The following CNTN3 variants were observed in gnomAD, a reference collection of about 807,000 sequenced individuals.
The protein encoded by CNTN3 is contactin 3.
CNTN3 carries 60 observed loss-of-function variants against 119.1 expected under a neutral mutation model. The ratio of observed to expected loss-of-function variants is 0.50; its 90% CI spans 0.41 to 0.62. The LOEUF (loss-of-function observed/expected upper bound fraction) is 0.62. CNTN3 is among the 20% of genes least tolerant of loss of function. The pLI is 0.00. For synonymous variants in CNTN3, 450 were observed against 438.7 expected, an observed-to-expected ratio of 1.03 and a Z score of -0.32; for missense variants, 1,101 against 1,242.4, an observed-to-expected ratio of 0.89 and a Z score of 1.71.
At chr3:74,587,879 C>T (rs2106679921) in intron 1 of CNTN3, among the ~76,000 whole-genome samples, 1 of 152,304 alleles carries the variant, frequency 6.6e-6, no homozygotes, top group Admixed American at 6.5e-5. Context: ...TGCCAGTTTT[C>T]AAAGGGAATG....
intron 19 of CNTN3, among the ~76,000 whole-genome samples, chr3:74,287,477 T>A (rs1702137228): frequency 6.6e-6 from 1 of 152,188 alleles, no homozygotes; most frequent in African/African-American, 2.4e-5. Flanking sequence ...AAATACTCTT[T>A]TAATAGACAA....
At chr3:74,571,720 G>C (rs562084665) in intron 1 of CNTN3, among the ~76,000 whole-genome samples, 38 of 152,220 alleles carry the variant, frequency 2.5e-4, no homozygotes, top group Non-Finnish European at 5.1e-4. Context: ...CATTTATTTA[G>C]ATTACATATA....
At chr3:74,588,019 G>C (rs1433707313) in intron 1 of CNTN3, among the ~76,000 whole-genome samples, 4 of 151,988 alleles carry the variant, frequency 2.6e-5, no homozygotes. Flanking sequence ...GTTGAATTTT[G>C]TCAAAGGCCT....
intron 13 of CNTN3, among the ~76,000 whole-genome samples, chr3:74,332,454 G>A (rs1237553143): frequency 6.6e-6 from 1 of 152,226 alleles, no homozygotes; most frequent in Non-Finnish European, 1.5e-5. Flanking sequence ...GAAATTTCAT[G>A]TTGCAGACAC....
At chr3:74,519,075 T>C (rs962807415) in intron 2 of CNTN3, among the ~76,000 whole-genome samples, 3 of 151,878 alleles carry the variant, frequency 2.0e-5, no homozygotes, top group Middle Eastern at 3.2e-3. Flanking sequence ...AAGTGTATAT[T>C]TATATGGACA....
intron 4 of CNTN3, among the ~76,000 whole-genome samples, chr3:74,438,154 C>T (rs527961239): frequency 1.3e-5 from 2 of 152,184 alleles, no homozygotes; most frequent in South Asian, 2.1e-4. Flanking sequence ...ATGCAGTTAT[C>T]TTAATTATGT....
intron 4 of CNTN3, among the ~76,000 whole-genome samples, chr3:74,449,030 T>C (rs1702098747): frequency 6.6e-6 from 1 of 152,044 alleles, no homozygotes; most frequent in African/African-American, 2.4e-5. Flanking sequence ...GTGCCTCAAA[T>C]CCTTTTAAAT....
chr3:74,300,132 A>C (rs1702424622), intron 16 of CNTN3, among the ~76,000 whole-genome samples, 194 bp from the exon 17 acceptor site: 1 of 152,182 alleles, frequency 6.6e-6, no homozygotes, highest in South Asian at 2.1e-4. Flanking sequence ...CAAACAACAT[A>C]TTTACATGAA....
intron 13 of CNTN3, 77 bp downstream of exon 13, chr3:74,334,658 A>C: frequency 7.7e-7 from 1 of 1,292,536 alleles, no homozygotes; most frequent in Non-Finnish European, 1.1e-6. Context: ...CATTGTCTAT[A>C]TGTCAGACAG....
intron 20 of CNTN3, among the ~76,000 whole-genome samples, chr3:74,281,959 A>G (rs551186793): frequency 4.9e-4 from 74 of 152,334 alleles, no homozygotes; most frequent in Middle Eastern, 3.4e-3. Context: ...AAAGCAGAAT[A>G]TTTATCCTAC....
chr3:74,534,513 G>A lies in CNTN3; in HGVS notation c.-80-13321C>T, dbSNP rs556886156. ...CATTTTATGTTAAGCTTCTAAGTCA[G>A]TGTTTCTCAAACTGTAGGTTGTGTT... is the stretch of plus-strand genomic sequence containing the variant. On this transcript the variant is annotated intron_variant, in intron 1 of 22. Transcript: ENST00000263665. Among the ~76,000 whole-genome samples the A allele has an allele frequency of 2.6e-5, 4 of 152,058 alleles. No individual in the cohort carries two copies. The South Asian group carries it at 8.3e-4, about 31-fold the overall frequency.
intron 20 of CNTN3, among the ~76,000 whole-genome samples, chr3:74,277,140 A>T (rs951828491): frequency 6.6e-6 from 1 of 152,168 alleles, no homozygotes; most frequent in African/African-American, 2.4e-5. Flanking sequence ...AATGGTAATT[A>T]AAAAATTACC....
chr3:74,612,276 CAG>C (rs1705095545), intron 1 of CNTN3, among the ~76,000 whole-genome samples: 1 of 152,116 alleles, frequency 6.6e-6, no homozygotes, highest in African/African-American at 2.4e-5. Context: ...TGAAATGTGA[CAG>C]TGATAAAATT....
At chr3:74,278,977 A>G (rs1228164085) in intron 20 of CNTN3, among the ~76,000 whole-genome samples, 2 of 152,162 alleles carry the variant, frequency 1.3e-5, no homozygotes, top group Non-Finnish European at 2.9e-5. Flanking sequence ...CTCTGAAGAA[A>G]ATATACAAAT....
chr3:74,506,288 A>C (rs928832295), intron 2 of CNTN3, among the ~76,000 whole-genome samples: 4 of 152,190 alleles, frequency 2.6e-5, no homozygotes, highest in African/African-American at 9.6e-5. Context: ...TCCATAAAAG[A>C]AGAGGACTTG....
Position 74,366,778 on chromosome 3 carries a change from GTGTA to G in CNTN3, c.947-1080_947-1077del, listed in dbSNP as rs1388022723. On this transcript the variant is annotated intron_variant, in intron 8 of 22. Transcript: ENST00000263665. ...TGTGTGCGTGTGTGTGTGTGTGTGT[GTGTA>G]TATATATATATATATATATATATAT... Among the ~76,000 whole-genome samples the G allele has an allele frequency of 2.5e-3, 103 of 40,898 alleles. 1 individual carries two copies. In the East Asian group the frequency reaches 0.091, roughly 36 times the overall value. The allele number at this position is 40,898 out of a possible 152,430, so 26.8% of individuals were successfully genotyped here.
chr3:74,599,016 G>T (rs1377675682), intron 1 of CNTN3, among the ~76,000 whole-genome samples: 1 of 152,044 alleles, frequency 6.6e-6, no homozygotes, highest in African/African-American at 2.4e-5. Flanking sequence ...AAGAAAGGTA[G>T]CTACACTGCT....
At chr3:74,344,641 A>C (rs1430067051) in intron 11 of CNTN3, among the ~76,000 whole-genome samples, 1 of 151,792 alleles carries the variant, frequency 6.6e-6, no homozygotes, top group Non-Finnish European at 1.5e-5. Context: ...TTGTATTTTT[A>C]GTATAGACGA....
At chr3:74,379,054 C>T (rs1040598753) in intron 5 of CNTN3, among the ~76,000 whole-genome samples, 3 of 152,148 alleles carry the variant, frequency 2.0e-5, no homozygotes, top group Admixed American at 6.5e-5. Context: ...GATACTATTC[C>T]ACTATATTCA....
Sources: gnomAD v4.1 joint callset for allele counts (sites outside exome capture counted in the v4.1 genomes callset) on GRCh38, gnomAD v4.1.1 for gene constraint, MANE v1.5 for transcripts, NCBI Gene and HGNC (gene_info 2026-07-23, HGNC 2026-07-21) for gene names.